PSMD7: variants seen among roughly 807,000 people sequenced by gnomAD.
PSMD7 encodes the protein 26S proteasome non-ATPase regulatory subunit 7.
A neutral mutation model predicts 36.4 loss-of-function variants in PSMD7; 13 were observed. That is an observed-to-expected ratio of 0.36 (90% CI 0.23 to 0.57). PSMD7 has a LOEUF of 0.57. PSMD7 is among the 20% of genes least tolerant of loss of function. The pLI is 0.83. For synonymous variants in PSMD7, 186 were observed against 151.0 expected, an observed-to-expected ratio of 1.23 and a Z score of -1.70; for missense variants, 298 against 393.6, an observed-to-expected ratio of 0.76 and a Z score of 2.06.
chr16:74,301,019 G>C, intron 2 of PSMD7, 33 bp from the exon 3 acceptor site: 1 of 1,374,204 alleles, frequency 7.3e-7, no homozygotes. Flanking sequence ...TTTCTATCAA[G>C]CACCCTAAAC....
At chr16:74,304,867 C>A (rs2034183166) in intron 6 of PSMD7, among the ~76,000 whole-genome samples, 1 of 151,696 alleles carries the variant, frequency 6.6e-6, no homozygotes, top group South Asian at 2.1e-4. Flanking sequence ...CTAAAAATTA[C>A]CATCTTAGTT....
chr16:74,297,017 C>A (rs1367833973), intron 1 of PSMD7, 29 bp downstream of exon 1: 1 of 1,600,108 alleles, frequency 6.2e-7, no homozygotes, highest in Admixed American at 1.7e-5. Flanking sequence ...GCTGGGCCGG[C>A]GGCGCAGCCG....
At position 74,296,850 on chromosome 16, in the gene PSMD7, A is replaced by G. The variant is rs2034115777; in HGVS notation, c.-65A>G. ...AACTGGGCCTGAAAGGGTACCGGTG[A>G]CCGCTACTGCTGCCGGTGTTTGCGT... On this transcript the variant is annotated 5_prime_UTR_variant, in exon 1 of 7. Coordinates refer to ENST00000219313, the MANE Select transcript of PSMD7 (RefSeq NM_002811.5). 1.9e-6 allele frequency: 3 copies of G among 1,559,312 alleles called. No individual in the cohort carries two copies. Among genetic ancestry groups the G allele is most frequent in the Non-Finnish European group, 2.6e-6 (3 of 1,138,270 alleles).
intron 2 of PSMD7, among the ~76,000 whole-genome samples, 183 bp from the exon 3 acceptor site, chr16:74,300,869 G>A (rs746836036): frequency 5.3e-5 from 8 of 152,140 alleles, no homozygotes; most frequent in Non-Finnish European, 1.2e-4. Flanking sequence ...AAGAGAAGCT[G>A]GAAGTCTGGA....
chr16:74,297,456 G>A (rs1187124011), intron 1 of PSMD7, among the ~76,000 whole-genome samples: 2 of 151,808 alleles, frequency 1.3e-5, no homozygotes, highest in Non-Finnish European at 2.9e-5. Flanking sequence ...CCCCAGGGTC[G>A]TATCTTCATT....
intron 5 of PSMD7, chr16:74,304,088 C>A (rs1410165364): frequency 4.3e-6 from 2 of 465,524 alleles, no homozygotes; most frequent in Non-Finnish European, 4.0e-6. Flanking sequence ...ACGCACAGTG[C>A]CCCAGCAGAC....
chr16:74,300,566 G>A, intron 2 of PSMD7: 3 of 291,906 alleles, frequency 1.0e-5, no homozygotes, highest in East Asian at 7.2e-5. Flanking sequence ...TATAGGTACA[G>A]TAAGGAGAGA....
intron 5 of PSMD7, 57 bp from the exon 6 acceptor site, chr16:74,304,246 A>G: frequency 6.6e-7 from 1 of 1,505,834 alleles, no homozygotes; most frequent in Non-Finnish European, 9.2e-7. Flanking sequence ...GCGAAAAGGA[A>G]CACATGTCAG....
chr16:74,305,645 G>A lies in PSMD7; in HGVS notation c.887G>A (p.Ser296Asn), dbSNP rs139178964. ...EKKEGQEKEESKKDRKEDKEK... is the reference protein window; with the variant it reads ...EKKEGQEKEENKKDRKEDKEK... ...AAAGAAGGGCAGGAGAAAGAAGAGA[G>A]CAAAAAGGATAGGAAAGAGGACAAG... The change falls in exon 7 of 7, where the codon AGC becomes AAC. Residue 296 changes from serine to asparagine, a missense_variant. Coordinates refer to ENST00000219313, the MANE Select transcript of PSMD7 (RefSeq NM_002811.5). 4.0e-5 allele frequency: 62 copies of A among 1,563,328 alleles called. No homozygotes were observed. Among genetic ancestry groups the A allele is most frequent in the Admixed American group, 3.7e-4 (20 of 53,664 alleles).
intron 1 of PSMD7, chr16:74,299,503 C>T (rs1046829495): frequency 1.8e-5 from 8 of 448,700 alleles, no homozygotes; most frequent in African/African-American, 1.6e-4. Context: ...CCTCAGTCCC[C>T]CAGCCCCAAG....
chr16:74,302,365 T>A, intron 5 of PSMD7, 73 bp downstream of exon 5: 1 of 1,251,094 alleles, frequency 8.0e-7, no homozygotes, highest in South Asian at 1.3e-5. Flanking sequence ...TTTTTCAATT[T>A]TCAGGTCAAC....
intron 5 of PSMD7, among the ~76,000 whole-genome samples, chr16:74,302,702 C>T (rs2034164897): frequency 6.6e-6 from 1 of 152,174 alleles, no homozygotes. Flanking sequence ...ATGATCACAC[C>T]ACTGCATTCC....
At chr16:74,299,532 C>T (rs1241889931) in intron 1 of PSMD7, 3 of 455,114 alleles carry the variant, frequency 6.6e-6, no homozygotes, top group Non-Finnish European at 1.3e-5. Context: ...ACTACAGGCA[C>T]ATCCCCACTA....
chr16:74,300,056 T>C, intron 1 of PSMD7, 59 bp from the exon 2 acceptor site: 4 of 1,402,602 alleles, frequency 2.9e-6, no homozygotes, highest in Non-Finnish European at 3.0e-6. Flanking sequence ...AGTATCTTAT[T>C]GTTGGGTTCA....
intron 6 of PSMD7, chr16:74,305,035 GT>G (rs923748763): frequency 8.5e-5 from 40 of 467,854 alleles, no homozygotes; most frequent in African/African-American, 7.8e-4. Flanking sequence ...AGTGGAAATG[GT>G]TTTATTTTAG....
chr16:74,297,350 T>C (rs1348410262), intron 1 of PSMD7, among the ~76,000 whole-genome samples: 1 of 151,504 alleles, frequency 6.6e-6, no homozygotes, highest in East Asian at 2.0e-4. Context: ...CCCAAGCTCG[T>C]GTCTGTCACT....
intron 5 of PSMD7, among the ~76,000 whole-genome samples, chr16:74,303,729 T>A (rs570609139): frequency 4.8e-4 from 69 of 143,448 alleles, no homozygotes; most frequent in Non-Finnish European, 9.5e-4. Flanking sequence ...AACTATATAC[T>A]TTTTTTTTTT....
rs1231767862 is a variant in PSMD7, at chr16:74,305,436, C to G, written c.678C>G (p.Ile226Met). Reference sequence around the variant, plus strand: ...GCAAGCTGCCCATCAACCACCAGATCATCTACCAGCTGCAGGACGTCTTCA... The same window carrying G: ...GCAAGCTGCCCATCAACCACCAGATGATCTACCAGCTGCAGGACGTCTTCA... ...ATGKLPINHQ[I>M]IYQLQDVFNL... Residue 226 changes from isoleucine (I) to methionine (M), a missense_variant, in exon 7 of 7, where the codon ATC (isoleucine) becomes ATG (methionine). Coordinates refer to ENST00000219313, the MANE Select transcript of PSMD7 (RefSeq NM_002811.5). The G allele has an allele frequency of 6.2e-7, 1 of 1,614,172 alleles. No homozygotes were observed. The highest frequency in any genetic ancestry group is 1.7e-5 in the Admixed American group (1 of 60,024).
chr16:74,305,909 C>T lies in PSMD7; in HGVS notation c.*176C>T. The T allele has an allele frequency of 1.6e-6, 1 of 606,310 alleles. No homozygotes were observed. The highest frequency in any genetic ancestry group is 2.4e-6 in the Non-Finnish European group (1 of 410,916). The allele number at this position is 606,310 out of a possible 1,614,324, so 37.6% of individuals were successfully genotyped here. A position where few individuals can be genotyped will look rare whatever the true frequency, so the allele number is the denominator to read the frequency against. On this transcript the variant is annotated 3_prime_UTR_variant, in exon 7 of 7. Transcript: ENST00000219313. ...TACGTGGAAGTGAATGGAGACTGAT[C>T]TCAAATCTGAACTGCAGCTTTCGCT...
Sources: allele counts gnomAD v4.1 joint callset (sites outside exome capture counted in the v4.1 genomes callset), GRCh38; gene constraint gnomAD v4.1.1; transcripts MANE v1.5; gene names NCBI Gene and HGNC (gene_info 2026-07-23, HGNC 2026-07-21).